Variants in RYR1 observed in about 807,000 individuals in gnomAD.
The protein encoded by RYR1 is ryanodine receptor 1, also known as central core disease of muscle.
In RYR1, 342 loss-of-function variants were observed where a neutral mutation model predicts 583.5. The ratio of observed to expected loss-of-function variants is 0.59; its 90% confidence interval spans 0.54 to 0.64. RYR1 has a LOEUF of 0.64. Ranked by LOEUF, RYR1 falls within the 30% of genes least tolerant of loss-of-function variation. The pLI, the probability that RYR1 is intolerant of heterozygous loss-of-function variation, is 0.00. For missense variants in RYR1, 6,032 were observed against 6,917.2 expected, an observed-to-expected ratio of 0.87 and a Z score of 4.54; for synonymous variants, 2,791 against 2,822.5, an observed-to-expected ratio of 0.99 and a Z score of 0.35.
intron 20 of RYR1, among the ~76,000 whole-genome samples, chr19:38,462,410 C>G (rs1967802011): frequency 1.3e-5 from 2 of 152,108 alleles, no homozygotes; most frequent in Admixed American, 6.5e-5. Flanking sequence ...AGACCAGTGC[C>G]CTGGGCCTCA....
intron 90 of RYR1, among the ~76,000 whole-genome samples, chr19:38,563,209 C>T (rs901764601): frequency 6.6e-6 from 1 of 152,246 alleles, no homozygotes; most frequent in Non-Finnish European, 1.5e-5. Flanking sequence ...CAGGCATCCA[C>T]GTATGCCCAT....
rs1352288514 is a variant in RYR1 at position 38,475,465 on chromosome 19, C to A, written c.4293+15C>A. ...ACACCACCACGGTGTGGACCAGTAA[C>A]CCTCAATTTTGGGGTCCCCCCGCAT... On this transcript the variant is annotated intron_variant, in intron 29 of 105. Transcript: ENST00000359596. The A allele has an allele frequency of 3.7e-6, 6 of 1,613,152 alleles. No individual in the cohort carries two copies. The highest frequency in any genetic ancestry group is 5.1e-6 in the Non-Finnish European group (6 of 1,180,024).
intron 42 of RYR1, 55 bp downstream of exon 42, chr19:38,497,009 C>T (rs1969865069): frequency 7.4e-6 from 11 of 1,492,794 alleles, no homozygotes; most frequent in East Asian, 2.3e-5. Context: ...GGCCGCTACC[C>T]GGCTGCTTGG....
intron 57 of RYR1, 145 bp downstream of exon 57, chr19:38,507,097 G>A (rs1970492880): frequency 7.4e-7 from 1 of 1,345,144 alleles, no homozygotes; most frequent in Non-Finnish European, 1.0e-6. Context: ...AGCTAAGGGA[G>A]TGGGGCCTGG....
intron 89 of RYR1, among the ~76,000 whole-genome samples, chr19:38,552,805 A>G (rs967441399): frequency 2.6e-5 from 4 of 151,952 alleles, no homozygotes; most frequent in African/African-American, 9.7e-5. Context: ...TTAGGGAGAG[A>G]GTCTGGGGTG....
intron 89 of RYR1, among the ~76,000 whole-genome samples, chr19:38,551,343 A>G (rs1035057299): frequency 3.3e-5 from 5 of 151,794 alleles, no homozygotes; most frequent in Non-Finnish European, 7.4e-5. Flanking sequence ...TCAGCCTCCC[A>G]GAGTGCTGGG....
chr19:38,566,944 C>A lies in RYR1; in HGVS notation c.13471C>A (p.Pro4491Thr), dbSNP rs1004347912. ...DGVEEELPPE[P>T]EPEPEPELEP... is the part of the protein sequence containing the mutation. Reference sequence around the variant, plus strand: ...AGTGGAGGAGGAGCTCCCGCCAGAGCCAGAGCCCGAGCCGGAACCAGAGCT... The same window carrying A: ...AGTGGAGGAGGAGCTCCCGCCAGAGACAGAGCCCGAGCCGGAACCAGAGCT... Residue 4491 changes from proline (P) to threonine (T), a missense_variant, in exon 92 of 106, where the codon CCA becomes ACA. By Grantham distance (38) the Pro-to-Thr change is conservative (BLOSUM62 -1). Transcript: ENST00000359596. The A allele has an allele frequency of 1.1e-5, 17 of 1,606,658 alleles. No individual in the cohort carries two copies. Among genetic ancestry groups the A allele is most frequent in the Non-Finnish European group, 1.4e-5 (17 of 1,176,960 alleles).
chr19:38,558,145 CA>C (rs1310069018), intron 89 of RYR1, among the ~76,000 whole-genome samples: 2 of 150,150 alleles, frequency 1.3e-5, no homozygotes, highest in East Asian at 2.0e-4. Context: ...CTTGTCTCTA[CA>C]AAAAAACTGT....
rs1973486760 is a variant in RYR1 at position 38,567,292 on chromosome 19, C to T, written c.13514+305C>T. ...AGTGAGCCCTGATCGCAGCATTGCC[C>T]TCCAGCCTGGGTGACAGAGCAAGAC... is the stretch of plus-strand genomic sequence containing the variant. On this transcript the variant is annotated intron_variant, in intron 92 of 105. Coordinates refer to ENST00000359596, the MANE Select transcript of RYR1 (RefSeq NM_000540.3). Among the ~76,000 whole-genome samples, 3 of 152,166 alleles carry T rather than the reference C, an allele frequency of 2.0e-5. 1 individual carries two copies. The highest frequency in any genetic ancestry group is 4.1e-4 in the South Asian group (2 of 4,822).
chr19:38,466,350 A>G lies in RYR1; in HGVS notation c.3130A>G (p.Thr1044Ala). The change falls in exon 24 of 106, where the codon ACC (threonine) becomes GCC (alanine). Residue 1044 changes from threonine (T) to alanine (A), a missense_variant. Thr to Ala is a moderately conservative substitution (Grantham distance 58). This residue lies in a region of RYR1 where 2,627 missense variants were observed against 2,961.3 expected (regional missense o/e 0.89). Coordinates refer to ENST00000359596, the MANE Select transcript of RYR1 (RefSeq NM_000540.3). ...GGACAGCCTCTGCCAGGCCGTGCGC[A>G]CCCTCCTGGGCTACGGCTACAACAT... ...NRDSLCQAVR[T>A]LLGYGYNIEP... The G allele has an allele frequency of 6.3e-7, 1 of 1,586,488 alleles. No individual in the cohort carries two copies. Among genetic ancestry groups the G allele is most frequent in the Non-Finnish European group, 8.6e-7 (1 of 1,168,700 alleles).
At position 38,444,356 on chromosome 19, in the gene RYR1, C is replaced by G. The variant is rs529578406; in HGVS notation, c.537+95C>G. The G allele has an allele frequency of 9.4e-7, 1 of 1,066,998 alleles. No homozygotes were observed. Among genetic ancestry groups the G allele is most frequent in the Non-Finnish European group, 1.4e-6 (1 of 702,992 alleles). 66.1% of individuals were successfully genotyped at this position (1,066,998 alleles called of 1,614,324 possible). On this transcript the variant is annotated intron_variant, in intron 6 of 105. Coordinates refer to ENST00000359596, the MANE Select transcript of RYR1 (RefSeq NM_000540.3). This position sits in a 1 kb window ranked among gnomAD's most constrained non-coding sequence, Gnocchi z 5.1. ...GGGTTTGCCTGGCTGATCTCCCACC[C>G]CCAAGGTCCTGACTCCCAATTTCCC...
intron 63 of RYR1, 76 bp from the exon 64 acceptor site, chr19:38,514,950 T>A: frequency 1.0e-6 from 1 of 981,240 alleles, no homozygotes; most frequent in East Asian, 2.4e-5. Flanking sequence ...ATGGGCCTAT[T>A]TGAGACAAGG....
chr19:38,531,657 G>A (rs181732612), intron 76 of RYR1, among the ~76,000 whole-genome samples: 37 of 152,236 alleles, frequency 2.4e-4, no homozygotes, highest in African/African-American at 6.3e-4. Context: ...GGCCAGGCGC[G>A]GTGGCTCACA....
intron 13 of RYR1, among the ~76,000 whole-genome samples, chr19:38,454,406 TA>T (rs763736117): frequency 6.6e-6 from 1 of 152,244 alleles, no homozygotes; most frequent in Non-Finnish European, 1.5e-5. Flanking sequence ...AAGTGCTGTC[TA>T]GCTTTCCTAA....
intron 96 of RYR1, among the ~76,000 whole-genome samples, chr19:38,573,964 G>C (rs1182235044): frequency 6.6e-6 from 1 of 152,084 alleles, no homozygotes; most frequent in East Asian, 1.9e-4. Context: ...AACATGGCCA[G>C]GCACGATGGC....
At chr19:38,542,710 G>T (rs1337984699) in intron 84 of RYR1, among the ~76,000 whole-genome samples, 1 of 151,790 alleles carries the variant, frequency 6.6e-6, no homozygotes. Flanking sequence ...TAGTAGAGAC[G>T]GGATTTCACC....
At chr19:38,475,697 G>A (rs535127359) in intron 29 of RYR1, among the ~76,000 whole-genome samples, 1 of 152,194 alleles carries the variant, frequency 6.6e-6, no homozygotes, top group African/African-American at 2.4e-5. Flanking sequence ...TATAACTCCT[G>A]GGGATCCCCA....
rs1434948607 is a variant in RYR1 at position 38,500,075 on chromosome 19, C to G, written c.7323+59C>G. ...AGGGCAGGCACAGCCGCTTTGAACG[C>G]CTCATGCAGGCACTCGGTGACACGG... On this transcript the variant is annotated intron_variant, in intron 45 of 105. Transcript: ENST00000359596. This position sits in a 1 kb window ranked among gnomAD's most constrained non-coding sequence, Gnocchi z 5.9. 1 of 1,469,150 alleles carries G rather than the reference C, an allele frequency of 6.8e-7. No homozygotes were observed. Among genetic ancestry groups the G allele is most frequent in the Admixed American group, 1.7e-5 (1 of 59,004 alleles). 91.0% of individuals were successfully genotyped at this position (1,469,150 alleles called of 1,614,324 possible). A position where few individuals can be genotyped will look rare whatever the true frequency, so the allele number is the denominator to read the frequency against.
chr19:38,573,048 C>T, intron 95 of RYR1, 129 bp from the exon 96 acceptor site: 1 of 1,478,514 alleles, frequency 6.8e-7, no homozygotes, highest in Non-Finnish European at 9.3e-7. Flanking sequence ...CATTTCTACC[C>T]TTATCACTGG....
Sources: gnomAD v4.1 joint callset for allele counts (sites outside exome capture counted in the v4.1 genomes callset) on GRCh38, gnomAD v4.1.1 for gene constraint, gnomAD v4.1.1 regional missense constraint, Gnocchi (gnomAD v3.1) non-coding constraint, MANE v1.5 for transcripts, NCBI Gene and HGNC (gene_info 2026-07-23, HGNC 2026-07-21) for gene names.